LCORL: variants seen among roughly 807,000 people sequenced by gnomAD.
LCORL encodes the protein ligand dependent nuclear receptor corepressor like, also known as ligand-dependent nuclear receptor corepressor-like protein.
A neutral mutation model predicts 141.8 loss-of-function variants in LCORL; 41 were observed. That is an observed-to-expected ratio of 0.29 (90% CI 0.23 to 0.38). The LOEUF (loss-of-function observed/expected upper bound fraction) is 0.38. Ranked by LOEUF, LCORL falls within the 10% of genes least tolerant of loss-of-function variation. The pLI, the probability that LCORL is intolerant of heterozygous loss-of-function variation, is 1.00. For synonymous variants in LCORL, 618 were observed against 694.1 expected (o/e 0.89, Z 1.72); for missense variants, 1,759 against 2,035.0 (o/e 0.86, Z 2.61).
chr4:17,997,035 T>C (rs1037841250), intron 1 of LCORL, among the ~76,000 whole-genome samples: 5 of 152,154 alleles, frequency 3.3e-5, no homozygotes, highest in Non-Finnish European at 7.4e-5. Flanking sequence ...GTTTAAACAT[T>C]TGAACTTTTG....
chr4:17,878,507 A>T (rs1317640289), intron 6 of LCORL, among the ~76,000 whole-genome samples: 2 of 151,478 alleles, frequency 1.3e-5, no homozygotes, highest in Non-Finnish European at 3.0e-5. Context: ...TATTAAGAAT[A>T]TTTAATGGAA....
rs141431639 is a variant in LCORL, at chr4:17,959,294, T to C, written c.430+2609A>G. Among the ~76,000 whole-genome samples, 11 of 152,168 alleles carry C rather than the reference T, an allele frequency of 7.2e-5. No homozygotes were observed. In the East Asian group the frequency reaches 2.1e-3, roughly 29 times the overall value. ...ATAATTCTAATCCTAGTCTGCTAAC[T>C]AGTGGAGAATGGGAAGTGTTTTCTA... On this transcript the variant is annotated intron_variant, in intron 4 of 7. Coordinates refer to ENST00000635767, the Ensembl canonical transcript of LCORL.
intron 4 of LCORL, among the ~76,000 whole-genome samples, chr4:17,923,033 TG>T (rs1734549975): frequency 1.3e-5 from 2 of 152,258 alleles, no homozygotes; most frequent in African/African-American, 4.8e-5. Flanking sequence ...CCAACACCCC[TG>T]TTTGCTTCTA....
At chr4:17,915,436 A>T (rs770191720) in intron 4 of LCORL, among the ~76,000 whole-genome samples, 1 of 152,234 alleles carries the variant, frequency 6.6e-6, no homozygotes, top group Non-Finnish European at 1.5e-5. Context: ...TCAATTTTGA[A>T]AGTAATCTGT....
Position 17,954,566 on chromosome 4 carries a change from G to C in LCORL, c.430+7337C>G, listed in dbSNP as rs529323660. Among the ~76,000 whole-genome samples the C allele has an allele frequency of 8.1e-5, 11 of 135,980 alleles. No homozygotes were observed. In the South Asian group the frequency reaches 1.9e-3, roughly 24 times the overall value. 89.2% of individuals were successfully genotyped at this position (135,980 alleles called of 152,430 possible). ...CTTTAGAAACATCATTTTTCTTTTTGCATAGAAAGCTGAATTGGTAAGATG... is the reference window on the plus strand; with the variant it reads ...CTTTAGAAACATCATTTTTCTTTTTCCATAGAAAGCTGAATTGGTAAGATG... On this transcript the variant is annotated intron_variant, in intron 4 of 7. Transcript: ENST00000635767.
At chr4:17,852,131 A>G (rs968575626) in intron 7 of LCORL, among the ~76,000 whole-genome samples, 7 of 152,320 alleles carry the variant, frequency 4.6e-5, no homozygotes, top group Non-Finnish European at 8.8e-5. Flanking sequence ...CATCAGATTT[A>G]TCACTCTTAT....
At chr4:17,991,752 G>A (rs954906062) in intron 1 of LCORL, among the ~76,000 whole-genome samples, 2 of 151,986 alleles carry the variant, frequency 1.3e-5, no homozygotes, top group African/African-American at 2.4e-5. Flanking sequence ...CCCTTTCTTA[G>A]GGCACAAGAC....
intron 1 of LCORL, among the ~76,000 whole-genome samples, chr4:18,009,314 T>C (rs1463173645): frequency 6.7e-6 from 1 of 148,704 alleles, no homozygotes; most frequent in Non-Finnish European, 1.5e-5. Context: ...AATCTCCCAC[T>C]GTAGCTGTCT....
At chr4:17,927,512 G>A (rs1461462286) in intron 4 of LCORL, among the ~76,000 whole-genome samples, 1 of 152,116 alleles carries the variant, frequency 6.6e-6, no homozygotes, top group Non-Finnish European at 1.5e-5. Flanking sequence ...CCTGACTTTT[G>A]ATATGTCTTT....
chr4:17,994,838 A>G (rs1177398578), intron 1 of LCORL, among the ~76,000 whole-genome samples: 3 of 151,390 alleles, frequency 2.0e-5, no homozygotes, highest in Non-Finnish European at 2.9e-5. Context: ...ATGCCATACA[A>G]TACTATAAGC....
chr4:17,877,884 T>A (rs761943053), exon 7 of LCORL: 177 of 1,230,602 alleles, frequency 1.4e-4, no homozygotes, highest in Non-Finnish European at 1.6e-4. Flanking sequence ...AGATAAACAA[T>A]GTAAATCTTT....
At chr4:17,879,027 TAATTA>T (rs1354888532) in intron 6 of LCORL, among the ~76,000 whole-genome samples, 2 of 151,202 alleles carry the variant, frequency 1.3e-5, no homozygotes, top group Admixed American at 6.6e-5. Flanking sequence ...AAAAGTATTT[TAATTA>T]AACATATCAC....
intron 5 of LCORL, among the ~76,000 whole-genome samples, chr4:17,896,854 C>T (rs902586503): frequency 6.6e-6 from 1 of 151,982 alleles, no homozygotes; most frequent in African/African-American, 2.4e-5. Context: ...ACTATCCCCA[C>T]TTCCTCCTTA....
chr4:17,891,436 T>C (rs1729065476), intron 5 of LCORL, among the ~76,000 whole-genome samples: 1 of 152,022 alleles, frequency 6.6e-6, no homozygotes, highest in Non-Finnish European at 1.5e-5. Context: ...TTTAAGAAAA[T>C]AATATTTAAC....
intron 5 of LCORL, among the ~76,000 whole-genome samples, chr4:17,897,445 A>G (rs1354293109): frequency 6.6e-6 from 1 of 151,628 alleles, no homozygotes; most frequent in East Asian, 1.9e-4. Flanking sequence ...TATGCCTTCC[A>G]TATTTATTAG....
chr4:17,945,426 C>A (rs534230327), intron 4 of LCORL, among the ~76,000 whole-genome samples: 1 of 150,684 alleles, frequency 6.6e-6, no homozygotes, highest in Non-Finnish European at 1.5e-5. Context: ...TTTTTTTACA[C>A]TAGAATTTAT....
chr4:17,846,818 C>T (rs1042685688), intron 7 of LCORL, among the ~76,000 whole-genome samples: 1 of 152,174 alleles, frequency 6.6e-6, no homozygotes, highest in African/African-American at 2.4e-5. Context: ...TCCAATCTCA[C>T]ATCTCTGAAC....
chr4:17,980,024 G>C (rs1717677776), intron 1 of LCORL, among the ~76,000 whole-genome samples: 1 of 152,152 alleles, frequency 6.6e-6, no homozygotes, highest in Non-Finnish European at 1.5e-5. Context: ...GGAAATGCAG[G>C]AAATTTGATT....
At chr4:17,881,407 A>G (rs925160844) in intron 6 of LCORL, 14 of 959,410 alleles carry the variant, frequency 1.5e-5, no homozygotes, top group Non-Finnish European at 1.7e-5. Context: ...TGTTAACTCA[A>G]TAATAGAAAT....
Sources: gnomAD v4.1 joint callset for allele counts (sites outside exome capture counted in the v4.1 genomes callset) on GRCh38, gnomAD v4.1.1 for gene constraint, MANE v1.5 for transcripts, NCBI Gene and HGNC (gene_info 2026-07-23, HGNC 2026-07-21) for gene names.